HS3ST3A1: variants seen among roughly 807,000 people sequenced by gnomAD.
HS3ST3A1 encodes heparan sulfate glucosamine 3-O-sulfotransferase 3A1.
HS3ST3A1 carries 19 observed loss-of-function variants against 25.7 expected under a neutral mutation model. The observed-to-expected ratio is 0.74, with a 90% CI of 0.52 to 1.08. The LOEUF (loss-of-function observed/expected upper bound fraction) is 1.08. Among genes scored for constraint, HS3ST3A1 ranks in the 50% least tolerant of loss-of-function variants. HS3ST3A1 has a pLI of 0.00. For synonymous variants in HS3ST3A1, 226 were observed against 278.6 expected, an observed-to-expected ratio of 0.81 and a Z score of 1.88; for missense variants, 459 against 594.3, an observed-to-expected ratio of 0.77 and a Z score of 2.37.
chr17:13,535,750 C>A (rs148643587), intron 1 of HS3ST3A1, among the ~76,000 whole-genome samples: 1 of 152,204 alleles, frequency 6.6e-6, no homozygotes, highest in East Asian at 1.9e-4. Flanking sequence ...TAAAAAAAAT[C>A]TTTCTTAAAA....
Position 13,565,007 on chromosome 17 carries a change from C to A in HS3ST3A1, c.599+35524G>T, listed in dbSNP as rs1259923805. Among the ~76,000 whole-genome samples the A allele has an allele frequency of 5.3e-5, 8 of 152,208 alleles. No homozygotes were observed. The East Asian group carries it at 1.4e-3, about 26-fold the overall frequency. On this transcript the variant is annotated intron_variant, in intron 1 of 1. Transcript: ENST00000284110. ...AAAGTGCTGGGATTACAGACATGAG[C>A]CATCGTGCCTGGATGAAATTTGGAC...
intron 1 of HS3ST3A1, among the ~76,000 whole-genome samples, chr17:13,542,870 G>A (rs993369066): frequency 6.6e-5 from 10 of 152,056 alleles, no homozygotes; most frequent in African/African-American, 9.7e-5. Context: ...GGAAAGAGGA[G>A]CTGAAGATTG....
intron 1 of HS3ST3A1, among the ~76,000 whole-genome samples, chr17:13,512,305 C>CAA (rs67523378): frequency 0.04 from 3,308 of 81,878 alleles, 241 homozygotes; most frequent in East Asian, 0.12. Context: ...GACTCCGTCT[C>CAA]AAAAAAAAAA....
chr17:13,595,047 C>T (rs1157871448), intron 1 of HS3ST3A1, among the ~76,000 whole-genome samples: 1 of 151,782 alleles, frequency 6.6e-6, no homozygotes, highest in Non-Finnish European at 1.5e-5. Context: ...GAACTCCCGA[C>T]GGCAAGTACT....
rs1307070078 is a variant in HS3ST3A1, at chr17:13,494,536, A to G, written c.*1661T>C. Among the ~76,000 whole-genome samples the G allele has an allele frequency of 6.6e-6, 1 of 152,246 alleles. No homozygotes were observed. The highest frequency in any genetic ancestry group is 1.5e-5 in the Non-Finnish European group (1 of 68,048). Reference sequence around the variant, plus strand: ...TTAGTTTCTTTTGATTGACAACATTAAAGAAGAAAAAGAATATTATTTTAG... The same window carrying G: ...TTAGTTTCTTTTGATTGACAACATTGAAGAAGAAAAAGAATATTATTTTAG... On this transcript the variant is annotated 3_prime_UTR_variant, in exon 2 of 2. Coordinates refer to ENST00000284110, the MANE Select transcript of HS3ST3A1 (RefSeq NM_006042.3).
intron 1 of HS3ST3A1, among the ~76,000 whole-genome samples, chr17:13,597,004 A>T (rs1908595345): frequency 1.3e-5 from 2 of 152,158 alleles, no homozygotes; most frequent in South Asian, 4.1e-4. Context: ...TGTGAGCTGG[A>T]CAATCTTTGA....
At chr17:13,549,509 A>G (rs2142354539) in intron 1 of HS3ST3A1, among the ~76,000 whole-genome samples, 1 of 152,220 alleles carries the variant, frequency 6.6e-6, no homozygotes, top group South Asian at 2.1e-4. Flanking sequence ...TTCTGTGTAA[A>G]AATTTCCTCT....
intron 1 of HS3ST3A1, among the ~76,000 whole-genome samples, chr17:13,583,128 GC>G (rs1908159801): frequency 6.6e-6 from 1 of 152,140 alleles, no homozygotes; most frequent in Non-Finnish European, 1.5e-5. Flanking sequence ...AAACATTTCG[GC>G]ATCTGTGAAT....
rs1907265575 is a variant in HS3ST3A1 at position 13,552,255 on chromosome 17, G to T, written c.599+48276C>A. ...CCACCACACCCTGCTAATTTTTTGT[G>T]TATTTTTAGTAGAGACAGGGTTTCA... On this transcript the variant is annotated intron_variant, in intron 1 of 1. Transcript: ENST00000284110. 2.0e-5 allele frequency among the ~76,000 whole-genome samples: 3 copies of T among 151,968 alleles called. No homozygotes were observed. The South Asian group carries it at 6.2e-4, about 32-fold the overall frequency.
intron 1 of HS3ST3A1, among the ~76,000 whole-genome samples, chr17:13,528,230 A>T (rs2142328304): frequency 6.6e-6 from 1 of 152,330 alleles, no homozygotes; most frequent in East Asian, 1.9e-4. Context: ...CCTTCTGGAC[A>T]TGTGGGTCAA....
intron 1 of HS3ST3A1, among the ~76,000 whole-genome samples, chr17:13,498,764 A>G (rs1905362837): frequency 6.6e-6 from 1 of 152,202 alleles, no homozygotes; most frequent in South Asian, 2.1e-4. Context: ...GCCCAAGCAT[A>G]AAAATGGACA....
chr17:13,574,774 A>C (rs1407213611), intron 1 of HS3ST3A1, among the ~76,000 whole-genome samples: 3 of 151,786 alleles, frequency 2.0e-5, no homozygotes, highest in Admixed American at 2.0e-4. Context: ...AACACACAAA[A>C]AAAATGAAGG....
chr17:13,516,246 G>GT (rs1249441838), intron 1 of HS3ST3A1, among the ~76,000 whole-genome samples: 2 of 152,108 alleles, frequency 1.3e-5, no homozygotes, highest in Non-Finnish European at 2.9e-5. Context: ...GGAGGCAGAG[G>GT]TTGCGGTGAG....
intron 1 of HS3ST3A1, among the ~76,000 whole-genome samples, chr17:13,576,895 C>T (rs1008015720): frequency 6.6e-6 from 1 of 152,168 alleles, no homozygotes; most frequent in African/African-American, 2.4e-5. Flanking sequence ...GGATGGCCTA[C>T]TGCATTAGTA....
intron 1 of HS3ST3A1, among the ~76,000 whole-genome samples, chr17:13,532,122 C>T (rs754225677): frequency 6.6e-6 from 1 of 152,144 alleles, no homozygotes; most frequent in Non-Finnish European, 1.5e-5. Context: ...CTTGAAACAG[C>T]GTACTTTAAG....
At chr17:13,501,390 AAG>A (rs1905470794) in intron 1 of HS3ST3A1, among the ~76,000 whole-genome samples, 1 of 152,344 alleles carries the variant, frequency 6.6e-6, no homozygotes, top group East Asian at 1.9e-4. Flanking sequence ...TTTTAAAAAA[AAG>A]AACTTAAGGG....
At chr17:13,524,863 A>C (rs912813823) in intron 1 of HS3ST3A1, among the ~76,000 whole-genome samples, 13 of 152,320 alleles carry the variant, frequency 8.5e-5, no homozygotes, top group African/African-American at 2.9e-4. Flanking sequence ...CATTTCTAAC[A>C]GCTTTCATGT....
chr17:13,523,746 T>G (rs1196005709), intron 1 of HS3ST3A1, among the ~76,000 whole-genome samples: 1 of 152,238 alleles, frequency 6.6e-6, no homozygotes, highest in Non-Finnish European at 1.5e-5. Context: ...TTTTAGCAAC[T>G]TGTGTCTTTT....
chr17:13,529,649 C>T (rs1906540638), intron 1 of HS3ST3A1, among the ~76,000 whole-genome samples: 1 of 152,154 alleles, frequency 6.6e-6, no homozygotes, highest in Admixed American at 6.5e-5. Context: ...TTGTTGAATT[C>T]ATTTCCTATT....
Sources: gnomAD v4.1 joint callset for allele counts (sites outside exome capture counted in the v4.1 genomes callset) on GRCh38, gnomAD v4.1.1 for gene constraint, MANE v1.5 for transcripts, NCBI Gene and HGNC (gene_info 2026-07-23, HGNC 2026-07-21) for gene names.